The following PTPN11 variants were observed in gnomAD, a reference collection of about 807,000 sequenced individuals.
PTPN11 encodes tyrosine-protein phosphatase non-receptor type 11.
A neutral mutation model predicts 78.8 loss-of-function variants in PTPN11; 6 were observed. The observed-to-expected ratio is 0.08, with a 90% CI of 0.04 to 0.15. The LOEUF (loss-of-function observed/expected upper bound fraction) is 0.15, where lower values mean the gene tolerates loss of function less well. PTPN11 is among the 10% of genes least tolerant of loss of function. The pLI is 1.00. For synonymous variants in PTPN11, 221 were observed against 263.5 expected, an observed-to-expected ratio of 0.84 and a Z score of 1.56; for missense variants, 386 against 744.8, an observed-to-expected ratio of 0.52 and a Z score of 5.61.
At position 112,454,618 on chromosome 12, in the gene PTPN11, G is replaced by C. The variant is rs2135869624; in HGVS notation, c.580G>C (p.Val194Leu). 6.2e-7 allele frequency: 1 copy of C among 1,613,884 alleles called. No individual in the cohort carries two copies. The highest frequency in any genetic ancestry group is 1.3e-5 in the African/African-American group (1 of 75,026). The change falls in exon 5 of 16, where the codon GTG becomes CTG. Residue 194 changes from valine (V) to leucine (L), a missense_variant. By Grantham distance (32) the Val-to-Leu change is conservative (BLOSUM62 1). This residue lies in a region of PTPN11 where 279 missense variants were observed against 503.3 expected (regional missense o/e 0.55). Coordinates refer to ENST00000351677, the MANE Select transcript of PTPN11 (RefSeq NM_002834.5). ...GERFDSLTDL[V>L]EHYKKNPMVE... ...ACGGTTTGATTCTTTGACAGATCTT[G>C]TGGAACATTATAAGAAGAATCCTAT...
At chr12:112,422,971 G>A (rs1325717961) in intron 1 of PTPN11, among the ~76,000 whole-genome samples, 5 of 152,168 alleles carry the variant, frequency 3.3e-5, no homozygotes, top group African/African-American at 9.7e-5. Context: ...GACAGTACTT[G>A]CCATCCAACG....
intron 6 of PTPN11, among the ~76,000 whole-genome samples, chr12:112,458,341 G>A (rs1392025430): frequency 6.6e-6 from 1 of 152,200 alleles, no homozygotes; most frequent in Non-Finnish European, 1.5e-5. Flanking sequence ...CTCCTGAGTA[G>A]CTGGTACTAC....
Position 112,450,355 on chromosome 12 carries a change from A to G in PTPN11, c.175A>G (p.Thr59Ala), listed in dbSNP as rs886043790. 2 of 1,613,160 alleles carry G rather than the reference A, an allele frequency of 1.2e-6. No homozygotes were observed. The highest frequency in any genetic ancestry group is 1.3e-5 in the African/African-American group (1 of 74,914). The change falls in exon 3 of 16, where the codon ACT becomes GCT. Residue 59 changes from threonine to alanine, a missense_variant. Coordinates refer to ENST00000351677, the MANE Select transcript of PTPN11 (RefSeq NM_002834.5). ...GAVTHIKIQN[T>A]GDYYDLYGGE... ...TGTCACCCACATCAAGATTCAGAAC[A>G]CTGGTGATTACTATGACCTGTATGG...
At chr12:112,449,265 G>A (rs1366251547) in intron 2 of PTPN11, among the ~76,000 whole-genome samples, 1 of 151,388 alleles carries the variant, frequency 6.6e-6, no homozygotes. Context: ...CACTTTGGGA[G>A]GCCAAGGCAG....
At chr12:112,463,599 C>T (rs925683942) in intron 6 of PTPN11, among the ~76,000 whole-genome samples, 43 of 152,314 alleles carry the variant, frequency 2.8e-4, no homozygotes, top group African/African-American at 1.0e-3. Context: ...CTTCTAAATG[C>T]TGACCTGGTG....
At chr12:112,459,199 G>GT (rs1249975785) in intron 6 of PTPN11, among the ~76,000 whole-genome samples, 1 of 152,086 alleles carries the variant, frequency 6.6e-6, no homozygotes, top group Admixed American at 6.6e-5. Flanking sequence ...GCCTCATGAG[G>GT]TAAGATGGGA....
intron 1 of PTPN11, among the ~76,000 whole-genome samples, chr12:112,424,322 C>A (rs2037571134): frequency 6.6e-6 from 1 of 152,034 alleles, no homozygotes; most frequent in South Asian, 2.1e-4. Flanking sequence ...GGGAGCAGAC[C>A]ACATAGGGAT....
chr12:112,450,582 G>A, intron 3 of PTPN11, 70 bp downstream of exon 3: 1 of 1,417,274 alleles, frequency 7.1e-7, no homozygotes, highest in Non-Finnish European at 1.0e-6. Context: ...ATGCATGACG[G>A]TCTGTGTATG....
intron 1 of PTPN11, among the ~76,000 whole-genome samples, chr12:112,437,912 C>T (rs547027804): frequency 6.6e-6 from 1 of 152,056 alleles, no homozygotes; most frequent in African/African-American, 2.4e-5. Flanking sequence ...AGTTTTCTTA[C>T]TCTAATGGGT....
intron 10 of PTPN11, among the ~76,000 whole-genome samples, chr12:112,483,149 A>G (rs979935228): frequency 4.6e-5 from 7 of 152,062 alleles, no homozygotes; most frequent in Non-Finnish European, 7.4e-5. Flanking sequence ...AGAAAGAAAA[A>G]ATGCAGGAGT....
At chr12:112,421,810 T>C (rs534499644) in intron 1 of PTPN11, among the ~76,000 whole-genome samples, 2 of 152,250 alleles carry the variant, frequency 1.3e-5, no homozygotes, top group South Asian at 4.1e-4. Context: ...TATTTTTTTA[T>C]AGAGACAGGG....
chr12:112,447,661 AGCTAATT>A (rs977544003), intron 2 of PTPN11, among the ~76,000 whole-genome samples: 5 of 151,822 alleles, frequency 3.3e-5, no homozygotes, highest in African/African-American at 1.2e-4. Flanking sequence ...CACCATGCCC[AGCTAATT>A]TTTGTATTTT....
intron 9 of PTPN11, among the ~76,000 whole-genome samples, chr12:112,478,868 G>A (rs1333178054): frequency 6.6e-6 from 1 of 152,156 alleles, no homozygotes; most frequent in Non-Finnish European, 1.5e-5. Flanking sequence ...AAGTAGCTGG[G>A]ACTACAGGTG....
At chr12:112,444,629 C>G (rs536081922) in intron 1 of PTPN11, among the ~76,000 whole-genome samples, 1 of 152,006 alleles carries the variant, frequency 6.6e-6, no homozygotes, top group Non-Finnish European at 1.5e-5. Flanking sequence ...TGTGAGCCAC[C>G]GCACCTGGCC....
chr12:112,462,375 A>T (rs1178898853), intron 6 of PTPN11, among the ~76,000 whole-genome samples: 1 of 151,722 alleles, frequency 6.6e-6, no homozygotes, highest in Non-Finnish European at 1.5e-5. Context: ...AAATGAAAAA[A>T]CTTCCTGTGC....
intron 15 of PTPN11, among the ~76,000 whole-genome samples, chr12:112,505,211 A>G (rs895940441): frequency 6.6e-6 from 1 of 152,104 alleles, no homozygotes; most frequent in Non-Finnish European, 1.5e-5. Flanking sequence ...TCAGTCTCTG[A>G]CCAACTGTGT....
intron 1 of PTPN11, among the ~76,000 whole-genome samples, chr12:112,424,666 G>A (rs552598671): frequency 8.0e-4 from 121 of 152,084 alleles, no homozygotes; most frequent in African/African-American, 2.8e-3. Context: ...ACATATCTAT[G>A]CACTGCCATT....
chr12:112,464,933 G>A (rs1157207048), intron 6 of PTPN11, among the ~76,000 whole-genome samples: 1 of 152,164 alleles, frequency 6.6e-6, no homozygotes, highest in Non-Finnish European at 1.5e-5. Flanking sequence ...ACTTCCTGCA[G>A]TATCTCTGCT....
intron 4 of PTPN11, 142 bp downstream of exon 4, chr12:112,453,529 T>C: frequency 1.4e-6 from 1 of 732,872 alleles, no homozygotes; most frequent in Non-Finnish European, 2.2e-6. Context: ...TGAGACAGGG[T>C]CTTGCTCTAT....
Sources: allele counts gnomAD v4.1 joint callset (sites outside exome capture counted in the v4.1 genomes callset), GRCh38; gene constraint gnomAD v4.1.1; regional missense constraint gnomAD v4.1.1; transcripts MANE v1.5; gene names NCBI Gene and HGNC (gene_info 2026-07-23, HGNC 2026-07-21).